The following NCLN variants were observed in gnomAD, a reference collection of about 807,000 sequenced individuals.
NCLN encodes BOS complex subunit NCLN.
In NCLN, 34 loss-of-function variants were observed where a neutral mutation model predicts 69.5. The ratio of observed to expected loss-of-function variants is 0.49; its 90% confidence interval spans 0.37 to 0.65. NCLN has a LOEUF of 0.65. NCLN is among the 30% of genes least tolerant of loss of function. NCLN has a pLI of 0.00. For missense variants in NCLN, 710 were observed against 804.8 expected (o/e 0.88, Z 1.42); for synonymous variants, 393 against 358.3 (o/e 1.10, Z -1.09).
chr19:3,205,124 C>T lies in NCLN; in HGVS notation c.1208+373C>T, dbSNP rs1214960110. Among the ~76,000 whole-genome samples, 3 of 152,188 alleles carry T rather than the reference C, an allele frequency of 2.0e-5. No individual in the cohort carries two copies. Among genetic ancestry groups the T allele is most frequent in the Non-Finnish European group, 4.4e-5 (3 of 68,022 alleles). On this transcript the variant is annotated intron_variant, in intron 9 of 14. Transcript: ENST00000246117. The surrounding 1 kb of genome is among the most constrained non-coding windows in gnomAD (Gnocchi z 4.6). ...AGCCTGGCCCGCCACCACACCCCGG[C>T]CCTTCCTCGCCCCGCCTCCCTCTGG... is the stretch of plus-strand genomic sequence containing the variant.
At chr19:3,190,301 G>A (rs907132197) in intron 1 of NCLN, among the ~76,000 whole-genome samples, 2 of 152,164 alleles carry the variant, frequency 1.3e-5, no homozygotes, top group African/African-American at 4.8e-5. Context: ...GCTGGGCCTG[G>A]GGTGCGTGGG....
At chr19:3,194,520 C>T (rs1915908406) in intron 3 of NCLN, among the ~76,000 whole-genome samples, 1 of 152,202 alleles carries the variant, frequency 6.6e-6, no homozygotes, top group Non-Finnish European at 1.5e-5. Flanking sequence ...ATGCACAGTC[C>T]ACGGTGGCTT....
intron 1 of NCLN, among the ~76,000 whole-genome samples, chr19:3,188,681 A>C (rs1915733789): frequency 6.6e-6 from 1 of 151,812 alleles, no homozygotes; most frequent in Non-Finnish European, 1.5e-5. Flanking sequence ...TCTTTCTCCT[A>C]GTGAGGAAGC....
chr19:3,193,214 C>T, intron 2 of NCLN, 70 bp from the exon 3 acceptor site: 1 of 1,476,098 alleles, frequency 6.8e-7, no homozygotes, highest in Non-Finnish European at 9.2e-7. Context: ...CAGGGACAGT[C>T]ACTGGGCCCC....
In NCLN at chr19:3,205,838, T is replaced by A. The variant is rs1271273790; in HGVS notation, c.1209-101T>A. On this transcript the variant is annotated intron_variant, in intron 9 of 14. Coordinates refer to ENST00000246117, the MANE Select transcript of NCLN (RefSeq NM_020170.4). This position sits in a 1 kb window ranked among gnomAD's most constrained non-coding sequence, Gnocchi z 4.6. ...TTTTTTTTTTTTTTTAAAGACAGAG[T>A]CTCACGGTCTCCTAGGCTGGAGTGC... 3 of 986,774 alleles carry A rather than the reference T, an allele frequency of 3.0e-6. No homozygotes were observed. The East Asian group carries it at 7.3e-5, about 24-fold the overall frequency. The allele number at this position is 986,774 out of a possible 1,614,324, so 61.1% of individuals were successfully genotyped here.
In NCLN at chr19:3,199,096, C is replaced by T. The variant is rs185474764; in HGVS notation, c.696+199C>T. On this transcript the variant is annotated intron_variant, in intron 5 of 14. Transcript: ENST00000246117. The stretch of plus-strand genomic sequence containing the variant: ...GCTGAAACAGGCCCGGCTCTTGCCC[C>T]GGGGTCGCAGGTTCCAGGGCACGGC... Among the ~76,000 whole-genome samples, 991 of 152,308 alleles carry T rather than the reference C, an allele frequency of 6.5e-3. 17 individuals carry two copies. Among genetic ancestry groups the T allele is most frequent in the Non-Finnish European group, 6.9e-3 (469 of 68,010 alleles).
Position 3,204,564 on chromosome 19 carries a change from C to T in NCLN, c.1030-9C>T, listed in dbSNP as rs761249573. ...GCCTGCCCTCTGCTAATGGCGCCTC[C>T]GGCTGCAGGTGGCCGCGCACCAGTT... On this transcript the variant is annotated splice_polypyrimidine_tract_variant and intron_variant, in intron 8 of 14. Transcript: ENST00000246117. 25 of 1,524,526 alleles carry T rather than the reference C, an allele frequency of 1.6e-5. No individual in the cohort carries two copies. The highest frequency in any genetic ancestry group is 1.8e-4 in the Middle Eastern group (1 of 5,690). 94.4% of individuals were successfully genotyped at this position (1,524,526 alleles called of 1,614,324 possible).
intron 1 of NCLN, among the ~76,000 whole-genome samples, chr19:3,187,461 A>G (rs1016659693): frequency 3.3e-5 from 5 of 152,070 alleles, no homozygotes; most frequent in African/African-American, 1.2e-4. Flanking sequence ...CTCAGGCTCA[A>G]CCTGAGGCGC....
At position 3,207,797 on chromosome 19, in the gene NCLN, TCTCC is replaced by T. The variant is rs1343422692; in HGVS notation, c.*115_*118del. On this transcript the variant is annotated 3_prime_UTR_variant, in exon 15 of 15. Transcript: ENST00000246117. ...GGCGGCCCTGCAGGGACAGGGGCCC[TCTCC>T]CTCCCCGGCGGTGGTTGGAACACTG... The T allele has an allele frequency of 2.3e-6, 2 of 878,740 alleles. No individual in the cohort carries two copies. Among genetic ancestry groups the T allele is most frequent in the African/African-American group, 3.3e-5 (2 of 59,974 alleles). The allele number at this position is 878,740 out of a possible 1,614,324, so 54.4% of individuals were successfully genotyped here.
At chr19:3,190,363 T>G (rs1281005404) in intron 1 of NCLN, among the ~76,000 whole-genome samples, 1 of 152,114 alleles carries the variant, frequency 6.6e-6, no homozygotes, top group African/African-American at 2.4e-5. Context: ...TGTGCCCACC[T>G]CCTTGTGCTG....
intron 5 of NCLN, 70 bp downstream of exon 5, chr19:3,198,967 C>A: frequency 1.7e-6 from 2 of 1,163,206 alleles, no homozygotes; most frequent in Non-Finnish European, 2.3e-6. Flanking sequence ...AGTGCCGAGG[C>A]AAAGCGCCTG....
chr19:3,201,256 G>C (rs1182192078), intron 5 of NCLN, among the ~76,000 whole-genome samples: 1 of 152,228 alleles, frequency 6.6e-6, no homozygotes, highest in Non-Finnish European at 1.5e-5. Flanking sequence ...GATGAGGAGA[G>C]TCCTGGGCTT....
rs1442321642 is a variant in NCLN, at chr19:3,205,013, A to G, written c.1208+262A>G. ...CCCAGACCCCGTCACCTGTTGAGTT[A>G]GGAGCAAGCAGCTCCTGCCTCTGGG... On this transcript the variant is annotated intron_variant, in intron 9 of 14. Transcript: ENST00000246117. The surrounding 1 kb of genome is among the most constrained non-coding windows in gnomAD (Gnocchi z 4.6). 6.6e-6 allele frequency among the ~76,000 whole-genome samples: 1 copy of G among 152,188 alleles called. No individual in the cohort carries two copies. The highest frequency in any genetic ancestry group is 1.5e-5 in the Non-Finnish European group (1 of 68,014).
intron 6 of NCLN, among the ~76,000 whole-genome samples, chr19:3,202,984 G>C (rs886955459): frequency 6.6e-6 from 1 of 152,124 alleles, no homozygotes; most frequent in Admixed American, 6.6e-5. Flanking sequence ...TTCCTTCTCT[G>C]ACTCTGGTGA....
At chr19:3,201,280 A>G (rs564864538) in intron 5 of NCLN, among the ~76,000 whole-genome samples, 1 of 152,326 alleles carries the variant, frequency 6.6e-6, no homozygotes, top group African/African-American at 2.4e-5. Context: ...GGGGCCCCGC[A>G]GACCCCAGGC....
intron 5 of NCLN, among the ~76,000 whole-genome samples, 198 bp downstream of exon 5, chr19:3,199,095 C>T (rs1288236205): frequency 1.3e-5 from 2 of 152,186 alleles, no homozygotes; most frequent in Non-Finnish European, 2.9e-5. Flanking sequence ...GGCTCTTGCC[C>T]CGGGGTCGCA....
In NCLN at chr19:3,199,044, C is replaced by T. The variant is rs554247918; in HGVS notation, c.696+147C>T. The T allele has an allele frequency of 7.6e-5, 40 of 523,484 alleles. No homozygotes were observed. The East Asian group carries it at 9.5e-4, about 12-fold the overall frequency. 32.4% of individuals were successfully genotyped at this position (523,484 alleles called of 1,614,324 possible). On this transcript the variant is annotated intron_variant, in intron 5 of 14. Coordinates refer to ENST00000246117, the MANE Select transcript of NCLN (RefSeq NM_020170.4). ...CCTTTGCCCGTCATCCTGGTCCCCG[C>T]GAGGGCCTCAGGGTGGGTGTCGTGG... is the stretch of plus-strand genomic sequence containing the variant.
rs901366170 is a variant in NCLN, at chr19:3,204,854, C to G, written c.1208+103C>G. 1.8e-5 allele frequency: 22 copies of G among 1,210,792 alleles called. No individual in the cohort carries two copies. In the South Asian group the frequency reaches 3.5e-4, roughly 19 times the overall value. 75.0% of individuals were successfully genotyped at this position (1,210,792 alleles called of 1,614,324 possible). On this transcript the variant is annotated intron_variant, in intron 9 of 14. Coordinates refer to ENST00000246117, the MANE Select transcript of NCLN (RefSeq NM_020170.4). ...ATGAGAGCCTGGAGGGAGCGGCCCCCACACACAGGCTGCGAGGAAGGGGCC... is the reference window on the plus strand; with the variant it reads ...ATGAGAGCCTGGAGGGAGCGGCCCCGACACACAGGCTGCGAGGAAGGGGCC...
chr19:3,206,916 G>A (rs911204837), intron 12 of NCLN, among the ~76,000 whole-genome samples: 1 of 152,144 alleles, frequency 6.6e-6, no homozygotes, highest in Admixed American at 6.5e-5. Context: ...CCATCTCCCG[G>A]CTTCAAGTGA....
Sources: gnomAD v4.1 joint callset for allele counts (sites outside exome capture counted in the v4.1 genomes callset) on GRCh38, gnomAD v4.1.1 for gene constraint, Gnocchi (gnomAD v3.1) non-coding constraint, MANE v1.5 for transcripts, NCBI Gene and HGNC (gene_info 2026-07-23, HGNC 2026-07-21) for gene names.